The following DENND2C variants were observed in gnomAD, a reference collection of about 807,000 sequenced individuals.
DENND2C encodes the protein DENN domain-containing protein 2C.
A neutral mutation model predicts 112.4 loss-of-function variants in DENND2C; 72 were observed. The ratio of observed to expected loss-of-function variants is 0.64; its 90% CI spans 0.53 to 0.78. The LOEUF is 0.78. Among genes scored for constraint, DENND2C ranks in the 30% least tolerant of loss-of-function variants. DENND2C has a pLI of 0.00. For missense variants in DENND2C, 992 were observed against 1,113.8 expected, an observed-to-expected ratio of 0.89 and a Z score of 1.56; for synonymous variants, 329 against 381.6, an observed-to-expected ratio of 0.86 and a Z score of 1.61.
At chr1:114,630,918 G>A (rs185818147) in intron 3 of DENND2C, among the ~76,000 whole-genome samples, 57 of 152,324 alleles carry the variant, frequency 3.7e-4, no homozygotes, top group African/African-American at 1.3e-3. Context: ...AGAGAAACAA[G>A]AGGTCATGAT....
chr1:114,629,670 GTATT>G (rs1656436874), intron 3 of DENND2C, among the ~76,000 whole-genome samples: 1 of 152,056 alleles, frequency 6.6e-6, no homozygotes, highest in African/African-American at 2.4e-5. Flanking sequence ...GCTCTTCTGT[GTATT>G]TATTTTCATC....
intron 1 of DENND2C, among the ~76,000 whole-genome samples, chr1:114,666,459 T>A (rs1397625438): frequency 6.6e-6 from 1 of 152,188 alleles, no homozygotes; most frequent in Non-Finnish European, 1.5e-5. Context: ...TTTTTCTGAA[T>A]CATAACTTTT....
Position 114,600,832 on chromosome 1 carries a change from C to A in DENND2C, c.1944G>T (p.Gly648=). 6 of 1,612,828 alleles carry A rather than the reference C, an allele frequency of 3.7e-6. No individual in the cohort carries two copies. Among genetic ancestry groups the A allele is most frequent in the Non-Finnish European group, 5.1e-6 (6 of 1,179,452 alleles). ...RTITVKSYLP[G]AGDESIELCR... ...TGAGCTAACTTACCTCATCTCCAGC[C>A]CCAGGGAGGTAACTCTTAACTGTGA... Residue 648 remains glycine (G), a synonymous_variant, in exon 14 of 21, where the codon GGG becomes GGT. Transcript: ENST00000393274.
intron 1 of DENND2C, among the ~76,000 whole-genome samples, chr1:114,662,201 G>A (rs981154246): frequency 6.6e-6 from 1 of 152,048 alleles, no homozygotes; most frequent in Non-Finnish European, 1.5e-5. Context: ...GAATATCAAA[G>A]AGTACAGATA....
At chr1:114,606,114 T>C (rs539681873) in intron 10 of DENND2C, among the ~76,000 whole-genome samples, 2 of 152,302 alleles carry the variant, frequency 1.3e-5, no homozygotes, top group South Asian at 2.1e-4. Context: ...GGTCTTGCCA[T>C]GTTGCCCAGG....
chr1:114,611,738 T>C (rs1371419320), intron 8 of DENND2C, among the ~76,000 whole-genome samples: 1 of 151,484 alleles, frequency 6.6e-6, no homozygotes, highest in Non-Finnish European at 1.5e-5. Context: ...TATCTTGTTT[T>C]CCCAAGGGAG....
At chr1:114,632,338 G>C (rs1656513120) in intron 3 of DENND2C, among the ~76,000 whole-genome samples, 1 of 151,888 alleles carries the variant, frequency 6.6e-6, no homozygotes, top group African/African-American at 2.4e-5. Flanking sequence ...TAAACACAAA[G>C]AAAGCCACAA....
At chr1:114,595,482 C>CA (rs1200426049) in intron 17 of DENND2C, 1,421 of 68,780 alleles carry the variant, frequency 0.021, 5 homozygotes, top group African/African-American at 0.032. Flanking sequence ...GACTCCATCT[C>CA]AAAAAAAAAA....
rs1485700671 is a variant in DENND2C, at chr1:114,595,852, C to T, written c.2305G>A (p.Ala769Thr). The T allele has an allele frequency of 6.2e-7, 1 of 1,613,882 alleles. No homozygotes were observed. ...CTCACCTCCTGTAAGAACTTGTCTG[C>T]ACAGAGATCAACTATCAGCACCTAT... ...IEEVLIVDLCADKFLQEVSDE... is the reference protein window; with the variant it reads ...IEEVLIVDLCTDKFLQEVSDE... Residue 769 changes from alanine to threonine, a missense_variant, in exon 17 of 21, where the codon GCA (alanine) becomes ACA (threonine). Physicochemically the swap from Ala to Thr is moderately conservative, Grantham distance 58. Transcript: ENST00000393274.
chr1:114,634,925 G>A (rs1656611036), intron 3 of DENND2C, among the ~76,000 whole-genome samples: 1 of 151,628 alleles, frequency 6.6e-6, no homozygotes, highest in Admixed American at 6.6e-5. Flanking sequence ...CTACTGGGGA[G>A]GCTGAGGCAC....
At chr1:114,586,419 A>T (rs909057043) in intron 20 of DENND2C, among the ~76,000 whole-genome samples, 4 of 152,184 alleles carry the variant, frequency 2.6e-5, no homozygotes, top group Admixed American at 1.3e-4. Flanking sequence ...TCTCCAAGGA[A>T]TGTGTCCTAG....
intron 1 of DENND2C, among the ~76,000 whole-genome samples, chr1:114,655,725 C>A (rs916840682): frequency 2.6e-5 from 4 of 152,012 alleles, no homozygotes; most frequent in African/African-American, 9.7e-5. Flanking sequence ...CTCAGGTGAT[C>A]CACCCACCTC....
intron 3 of DENND2C, among the ~76,000 whole-genome samples, chr1:114,638,493 T>A (rs769897710): frequency 1.3e-5 from 2 of 152,130 alleles, no homozygotes; most frequent in African/African-American, 2.4e-5. Flanking sequence ...GTGCAGTGGC[T>A]CACACCTGTA....
At chr1:114,622,930 T>C (rs937944736) in intron 6 of DENND2C, 57 bp downstream of exon 6, 8 of 1,372,724 alleles carry the variant, frequency 5.8e-6, no homozygotes, top group African/African-American at 1.4e-5. Context: ...CTTAATCTTT[T>C]TGTAGATACC....
intron 16 of DENND2C, among the ~76,000 whole-genome samples, chr1:114,596,291 G>A (rs967241956): frequency 2.0e-5 from 3 of 152,166 alleles, no homozygotes; most frequent in Admixed American, 6.5e-5. Flanking sequence ...GAGTCTGGGA[G>A]GTCAAGGCTG....
rs778621994 is a variant in DENND2C at position 114,618,452 on chromosome 1, A to ATTCTATT, written c.1257_1258insAATAGAA (p.Ser420AsnfsTer4). 1.3e-6 allele frequency: 2 copies of ATTCTATT among 1,593,166 alleles called. No individual in the cohort carries two copies. Among genetic ancestry groups the ATTCTATT allele is most frequent in the Non-Finnish European group, 1.7e-6 (2 of 1,171,910 alleles). On this transcript the variant is annotated frameshift_variant, in exon 8 of 21. Coordinates refer to ENST00000393274, the MANE Select transcript of DENND2C (RefSeq NM_001256404.2). LOFTEE classifies it high-confidence loss of function. ...TTTACCTTCTTCTTCCCTCTTTTAG[A>ATTCTATT]TTCAAATATGTCATCTATTTTCAAT...
At chr1:114,655,843 T>TA (rs1299589788) in intron 1 of DENND2C, among the ~76,000 whole-genome samples, 1 of 146,764 alleles carries the variant, frequency 6.8e-6, no homozygotes. Context: ...CCACTAATCT[T>TA]ACATGTACAG....
chr1:114,653,533 C>T (rs6666080), intron 2 of DENND2C, among the ~76,000 whole-genome samples: 8,482 of 152,136 alleles, frequency 0.056, 351 homozygotes, highest in African/African-American at 0.11. Flanking sequence ...TATTAAATTA[C>T]GGTGGTTATG....
chr1:114,607,393 C>G lies in DENND2C; in HGVS notation c.1557+1293G>C, dbSNP rs185693330. Among the ~76,000 whole-genome samples the G allele has an allele frequency of 3.7e-3, 561 of 152,332 alleles. 13 individuals carry two copies. Among genetic ancestry groups the G allele is most frequent in the Admixed American group, 0.032 (491 of 15,304 alleles). The stretch of plus-strand genomic sequence containing the variant: ...CTCTGAAGTCCTGCTCCTTATTAAG[C>G]TTCAACCCATTCCTGACACTTAGGA... On this transcript the variant is annotated intron_variant, in intron 10 of 20. Coordinates refer to ENST00000393274, the MANE Select transcript of DENND2C (RefSeq NM_001256404.2).
Sources: allele counts gnomAD v4.1 joint callset (sites outside exome capture counted in the v4.1 genomes callset), GRCh38; gene constraint gnomAD v4.1.1; transcripts MANE v1.5; gene names NCBI Gene and HGNC (gene_info 2026-07-23, HGNC 2026-07-21).